IQCM: variants seen among roughly 807,000 people sequenced by gnomAD.
IQCM encodes the protein IQ motif containing M, also known as IQ domain-containing protein M.
Under a neutral mutation model 57.6 loss-of-function variants are expected in IQCM, and 45 were observed. That is an observed-to-expected ratio of 0.78 (90% CI 0.62 to 1.00). IQCM has a LOEUF of 1.00. Among genes scored for constraint, IQCM ranks in the 50% least tolerant of loss-of-function variants. The probability of loss-of-function intolerance (pLI) is 0.00; values close to 1 mark genes in which losing one functional copy is unlikely to be tolerated. For synonymous variants in IQCM, 148 were observed against 158.9 expected (o/e 0.93, Z 0.51); for missense variants, 468 against 511.6 (o/e 0.91, Z 0.82).
chr4:149,395,572 T>G (rs2111104991), intron 13 of IQCM, among the ~76,000 whole-genome samples: 1 of 152,038 alleles, frequency 6.6e-6, no homozygotes. Flanking sequence ...TCCCAAAGGG[T>G]TATGTGTTGC....
At chr4:149,699,650 G>C (rs1299167614) in intron 5 of IQCM, among the ~76,000 whole-genome samples, 2 of 139,480 alleles carry the variant, frequency 1.4e-5, no homozygotes, top group African/African-American at 2.7e-5. Flanking sequence ...TCAGAGCTTT[G>C]TGAGCAAGGA....
intron 13 of IQCM, among the ~76,000 whole-genome samples, chr4:149,418,173 T>A (rs1733882417): frequency 6.6e-6 from 1 of 151,642 alleles, no homozygotes; most frequent in African/African-American, 2.4e-5. Flanking sequence ...GTTATGGTTT[T>A]TTTTTTAATT....
chr4:149,669,760 C>T (rs949037961), intron 7 of IQCM, among the ~76,000 whole-genome samples: 5 of 152,130 alleles, frequency 3.3e-5, no homozygotes, highest in African/African-American at 9.7e-5. Flanking sequence ...TTGTTTTTGT[C>T]AGGTTTGTCA....
chr4:149,525,102 T>C (rs1292490701), intron 12 of IQCM, among the ~76,000 whole-genome samples: 1 of 151,874 alleles, frequency 6.6e-6, no homozygotes, highest in Non-Finnish European at 1.5e-5. Context: ...TCCAGTATTT[T>C]AATTAAACTT....
intron 12 of IQCM, among the ~76,000 whole-genome samples, chr4:149,502,863 G>A (rs1560922588): frequency 6.6e-6 from 1 of 151,948 alleles, no homozygotes; most frequent in South Asian, 2.1e-4. Flanking sequence ...TAAACTAAAG[G>A]CTAGAAAATC....
intron 8 of IQCM, among the ~76,000 whole-genome samples, chr4:149,610,942 A>G (rs772693090): frequency 1.3e-4 from 20 of 152,130 alleles, no homozygotes; most frequent in Non-Finnish European, 2.8e-4. Context: ...CGAATGGGGG[A>G]AAATATTTGC....
At chr4:149,735,313 G>C (rs1199350285) in intron 4 of IQCM, 63 bp downstream of exon 4, 8 of 729,224 alleles carry the variant, frequency 1.1e-5, no homozygotes, top group Middle Eastern at 4.5e-4. Flanking sequence ...CAATCCTTTG[G>C]GAGAATCCTT....
chr4:149,761,382 T>C (rs1769498720), intron 2 of IQCM, among the ~76,000 whole-genome samples: 1 of 152,098 alleles, frequency 6.6e-6, no homozygotes, highest in South Asian at 2.1e-4. Context: ...TCATTTCCTA[T>C]TCCCAACACT....
Position 149,733,248 on chromosome 4 carries a change from T to C in IQCM, c.381A>G (p.Thr127=). Residue 127 remains threonine (T), a synonymous_variant, in exon 5 of 14, where the codon ACA becomes ACG. Coordinates refer to ENST00000636793, the MANE Select transcript of IQCM (RefSeq NM_001363507.2). The stretch of plus-strand genomic sequence containing the variant: ...TTCACTCCACCAAAAACTTACCTTT[T>C]GTAATTAGATCTATGGGCCTGCATC... ...RERCRPIDLI[T]KGQVKLDKIM... 2 of 1,231,710 alleles carry C rather than the reference T, an allele frequency of 1.6e-6. No individual in the cohort carries two copies. Among genetic ancestry groups the C allele is most frequent in the Non-Finnish European group, 2.0e-6 (2 of 987,650 alleles). 76.3% of individuals were successfully genotyped at this position (1,231,710 alleles called of 1,614,324 possible).
chr4:149,734,970 A>G (rs918057913), intron 4 of IQCM, among the ~76,000 whole-genome samples: 3 of 152,200 alleles, frequency 2.0e-5, no homozygotes, highest in Admixed American at 6.5e-5. Context: ...AGATACATGG[A>G]ATATAATGTA....
At chr4:149,354,100 C>T (rs933330421) in intron 13 of IQCM, among the ~76,000 whole-genome samples, 1 of 151,864 alleles carries the variant, frequency 6.6e-6, no homozygotes, top group Non-Finnish European at 1.5e-5. Flanking sequence ...CGCGGTGGCT[C>T]ACGCCTGTAA....
intron 13 of IQCM, among the ~76,000 whole-genome samples, chr4:149,416,253 A>G (rs1733740991): frequency 6.6e-6 from 1 of 152,084 alleles, no homozygotes; most frequent in Non-Finnish European, 1.5e-5. Context: ...AGCCTTAAAA[A>G]TAATACTGCA....
intron 13 of IQCM, among the ~76,000 whole-genome samples, chr4:149,433,004 C>T (rs1013658394): frequency 2.0e-5 from 3 of 151,938 alleles, no homozygotes; most frequent in African/African-American, 7.2e-5. Context: ...ACAAATGCAA[C>T]TCTCATATCT....
At chr4:149,414,989 G>T (rs545984529) in intron 13 of IQCM, among the ~76,000 whole-genome samples, 99 of 152,108 alleles carry the variant, frequency 6.5e-4, no homozygotes, top group African/African-American at 2.4e-3. Context: ...CATAGATCCA[G>T]CTATCTATAT....
chr4:149,765,422 A>C (rs1384651277), intron 2 of IQCM, among the ~76,000 whole-genome samples: 1 of 152,190 alleles, frequency 6.6e-6, no homozygotes, highest in Non-Finnish European at 1.5e-5. Context: ...TATGACACTG[A>C]GAGAAATCTA....
intron 12 of IQCM, among the ~76,000 whole-genome samples, chr4:149,502,009 T>G (rs1484404238): frequency 4.6e-5 from 7 of 152,288 alleles, no homozygotes; most frequent in Admixed American, 6.5e-5. Context: ...TCGATTCACC[T>G]TAGGCTCATA....
chr4:149,777,764 A>G (rs1771226953), intron 2 of IQCM, among the ~76,000 whole-genome samples: 1 of 152,152 alleles, frequency 6.6e-6, no homozygotes, highest in African/African-American at 2.4e-5. Flanking sequence ...GCATTGGAAG[A>G]CTCTGAAAGT....
chr4:149,490,122 G>T (rs894484230), intron 12 of IQCM, among the ~76,000 whole-genome samples: 1 of 151,752 alleles, frequency 6.6e-6, no homozygotes, highest in Admixed American at 6.6e-5. Flanking sequence ...GAAATAAGTT[G>T]CATAATCAAT....
intron 8 of IQCM, among the ~76,000 whole-genome samples, chr4:149,597,489 C>G (rs907044299): frequency 6.6e-6 from 1 of 152,140 alleles, no homozygotes; most frequent in Non-Finnish European, 1.5e-5. Flanking sequence ...CTCCCAGGTT[C>G]AAGCAATTCT....
Sources: gnomAD v4.1 joint callset for allele counts (sites outside exome capture counted in the v4.1 genomes callset) on GRCh38, gnomAD v4.1.1 for gene constraint, MANE v1.5 for transcripts, NCBI Gene and HGNC (gene_info 2026-07-23, HGNC 2026-07-21) for gene names.